The following PIK3C2G variants were observed in gnomAD, a reference collection of about 807,000 sequenced individuals.
PIK3C2G encodes phosphatidylinositol-4-phosphate 3-kinase catalytic subunit type 2 gamma.
A neutral mutation model predicts 181.1 loss-of-function variants in PIK3C2G; 168 were observed. That is an observed-to-expected ratio of 0.93 (90% CI 0.82 to 1.05). The LOEUF (loss-of-function observed/expected upper bound fraction) is 1.05, where lower values mean the gene tolerates loss of function less well. Ranked by LOEUF, PIK3C2G falls within the 50% of genes least tolerant of loss-of-function variation. The probability of loss-of-function intolerance (pLI) is 0.00; values close to 1 mark genes in which losing one functional copy is unlikely to be tolerated. For synonymous variants in PIK3C2G, 573 were observed against 592.2 expected (o/e 0.97, Z 0.47); for missense variants, 1,869 against 1,732.8 (o/e 1.08, Z -1.40).
chr12:18,482,798 T>G (rs748756433), intron 18 of PIK3C2G, among the ~76,000 whole-genome samples: 1 of 152,140 alleles, frequency 6.6e-6, no homozygotes, highest in Non-Finnish European at 1.5e-5. Context: ...TTTGAAAGGA[T>G]AAGTGGACAT....
chr12:18,273,043 T>TAG (rs34596920), intron 1 of PIK3C2G, among the ~76,000 whole-genome samples: 52,866 of 150,204 alleles, frequency 0.35, 9,600 homozygotes, highest in Non-Finnish European at 0.41. Context: ...CACACAGAGA[T>TAG]AGAGAGAGAG....
At chr12:18,431,639 G>C (rs547389051) in intron 18 of PIK3C2G, among the ~76,000 whole-genome samples, 2 of 152,228 alleles carry the variant, frequency 1.3e-5, no homozygotes, top group African/African-American at 2.4e-5. Context: ...ACTTCAGGGA[G>C]GTCTTGCAGA....
the PIK3C2G span, among the ~76,000 whole-genome samples, chr12:18,671,798 G>A: frequency 5.3e-5 from 8 of 152,126 alleles, no homozygotes; most frequent in Non-Finnish European, 1.0e-4. Flanking sequence ...CATCCATGGA[G>A]GGGCTACAAA....
At chr12:18,529,485 T>C (rs1366065011) in intron 24 of PIK3C2G, among the ~76,000 whole-genome samples, 2 of 152,214 alleles carry the variant, frequency 1.3e-5, no homozygotes, top group African/African-American at 4.8e-5. Flanking sequence ...CCCTGAACTG[T>C]TGGGAAGCAA....
chr12:18,409,816 T>C (rs1202533190), intron 16 of PIK3C2G, among the ~76,000 whole-genome samples: 2 of 152,098 alleles, frequency 1.3e-5, no homozygotes, highest in Non-Finnish European at 2.9e-5. Context: ...TCTCATGGTT[T>C]TGTAGGCTAT....
chr12:18,488,364 T>C (rs1940248428), intron 18 of PIK3C2G, 85 bp from the exon 19 acceptor site: 1 of 851,088 alleles, frequency 1.2e-6, no homozygotes, highest in South Asian at 2.9e-5. Flanking sequence ...ACAGATTAGT[T>C]TGAAATGCAC....
chr12:18,403,964 A>C (rs1463786130), intron 16 of PIK3C2G, among the ~76,000 whole-genome samples: 1 of 152,208 alleles, frequency 6.6e-6, no homozygotes, highest in Non-Finnish European at 1.5e-5. Flanking sequence ...TCATTTAAAA[A>C]TAGCAACTTT....
At chr12:18,395,232 C>T (rs1943806396) in intron 15 of PIK3C2G, among the ~76,000 whole-genome samples, 1 of 149,128 alleles carries the variant, frequency 6.7e-6, no homozygotes, top group Non-Finnish European at 1.5e-5. Flanking sequence ...AATTTTGAAA[C>T]ATCAGATAAA....
At chr12:18,389,166 C>T (rs1943373825) in intron 14 of PIK3C2G, among the ~76,000 whole-genome samples, 1 of 152,076 alleles carries the variant, frequency 6.6e-6, no homozygotes, top group Non-Finnish European at 1.5e-5. Flanking sequence ...TCCTGGCTAA[C>T]ATGGTGAAAC....
At chr12:18,338,975 A>G (rs1170989911) in intron 9 of PIK3C2G, among the ~76,000 whole-genome samples, 1 of 152,076 alleles carries the variant, frequency 6.6e-6, no homozygotes, top group Non-Finnish European at 1.5e-5. Flanking sequence ...TCATGTTTGT[A>G]TGGATAAGCA....
At position 18,388,897 on chromosome 12, in the gene PIK3C2G, C is replaced by T. The variant is rs969051911; in HGVS notation, c.1996-2225C>T. Among the ~76,000 whole-genome samples the T allele has an allele frequency of 2.0e-5, 3 of 152,116 alleles. No individual in the cohort carries two copies. The South Asian group carries it at 6.2e-4, about 32-fold the overall frequency. On this transcript the variant is annotated intron_variant, in intron 14 of 32. Transcript: ENST00000538779. ...GAGGATAACCAGGTTTGAATATGTT[C>T]CTCTATCCCCCCCAAAAAAACATAT...
chr12:18,509,901 T>C (rs928370884), intron 24 of PIK3C2G, among the ~76,000 whole-genome samples: 1 of 152,218 alleles, frequency 6.6e-6, no homozygotes, highest in African/African-American at 2.4e-5. Context: ...ATCTTTATAA[T>C]GGAAACAATA....
chr12:18,652,496 C>T (rs1950562073), downstream of PIK3C2G, among the ~76,000 whole-genome samples: 1 of 152,148 alleles, frequency 6.6e-6, no homozygotes, highest in South Asian at 2.1e-4. Context: ...GCCTCCAAAG[C>T]TGTGGGGGAA....
chr12:18,695,442 C>T, the PIK3C2G span, among the ~76,000 whole-genome samples: 2,735 of 152,192 alleles, frequency 0.018, 43 homozygotes, highest in Middle Eastern at 0.051. Context: ...TCAACTATGT[C>T]ATAAATTTTC....
chr12:18,554,057 C>A (rs78682874), intron 26 of PIK3C2G, among the ~76,000 whole-genome samples: 5,652 of 152,128 alleles, frequency 0.037, 218 homozygotes, highest in African/African-American at 0.099. Context: ...CTTGAGATCA[C>A]TGGCATGAGT....
intron 24 of PIK3C2G, among the ~76,000 whole-genome samples, chr12:18,519,714 A>C (rs1438077065): frequency 7.2e-6 from 1 of 138,908 alleles, no homozygotes; most frequent in African/African-American, 2.5e-5. Flanking sequence ...TAGCCCATTT[A>C]CATTTAAGAT....
In PIK3C2G at chr12:18,558,152, A is replaced by T. The variant is rs1373572563; in HGVS notation, c.3591-4551A>T. On this transcript the variant is annotated intron_variant, in intron 26 of 32. Coordinates refer to ENST00000538779, the MANE Select transcript of PIK3C2G (RefSeq NM_001288772.2). Reference sequence around the variant, plus strand: ...AGGATAGTATAATACTGACACAGAGATAGACAAAGAGATAAATGCAACAAA... The same window carrying T: ...AGGATAGTATAATACTGACACAGAGTTAGACAAAGAGATAAATGCAACAAA... 3.9e-5 allele frequency among the ~76,000 whole-genome samples: 6 copies of T among 152,184 alleles called. No homozygotes were observed. The East Asian group carries it at 1.2e-3, about 29-fold the overall frequency.
intron 11 of PIK3C2G, among the ~76,000 whole-genome samples, chr12:18,349,314 G>A (rs1939989145): frequency 6.6e-6 from 1 of 152,098 alleles, no homozygotes; most frequent in South Asian, 2.1e-4. Context: ...GACAAACTGA[G>A]GGGGTAAAAT....
At chr12:18,285,873 T>C (rs1388057912) in intron 2 of PIK3C2G, among the ~76,000 whole-genome samples, 2 of 151,706 alleles carry the variant, frequency 1.3e-5, no homozygotes, top group Non-Finnish European at 2.9e-5. Flanking sequence ...GTAAATAGAA[T>C]AAACATTCCA....
Sources: gnomAD v4.1 joint callset for allele counts (sites outside exome capture counted in the v4.1 genomes callset) on GRCh38, gnomAD v4.1.1 for gene constraint, MANE v1.5 for transcripts, NCBI Gene and HGNC (gene_info 2026-07-23, HGNC 2026-07-21) for gene names.